Variants in CTIF observed in about 807,000 individuals in gnomAD.
CTIF encodes CBP80/20-dependent translation initiation factor.
CTIF carries 21 observed loss-of-function variants against 66.0 expected under a neutral mutation model. The observed-to-expected ratio is 0.32, with a 90% confidence interval of 0.23 to 0.46. CTIF has a LOEUF of 0.46. Ranked by LOEUF, CTIF falls within the 20% of genes least tolerant of loss-of-function variation. The pLI, the probability that CTIF is intolerant of heterozygous loss-of-function variation, is 1.00. For synonymous variants in CTIF, 345 were observed against 326.4 expected, an observed-to-expected ratio of 1.06 and a Z score of -0.62; for missense variants, 739 against 812.7, an observed-to-expected ratio of 0.91 and a Z score of 1.10.
intron 10 of CTIF, among the ~76,000 whole-genome samples, chr18:48,833,706 C>T (rs948667542): frequency 1.8e-4 from 27 of 152,124 alleles, no homozygotes; most frequent in Admixed American, 1.3e-3. Context: ...AGGTCACTGG[C>T]GCCACCAAAC....
At chr18:48,645,647 C>T (rs2091016751) in intron 3 of CTIF, among the ~76,000 whole-genome samples, 1 of 152,256 alleles carries the variant, frequency 6.6e-6, no homozygotes, top group South Asian at 2.1e-4. Flanking sequence ...ACCTGACTTG[C>T]ACCCCCACTG....
intron 1 of CTIF, among the ~76,000 whole-genome samples, chr18:48,556,798 C>T (rs534215927): frequency 1.3e-4 from 20 of 152,068 alleles, no homozygotes; most frequent in Non-Finnish European, 2.5e-4. Context: ...ATCTTGACCT[C>T]AGGTGATCCA....
chr18:48,742,304 A>T (rs2092561617), intron 7 of CTIF, among the ~76,000 whole-genome samples: 2 of 152,192 alleles, frequency 1.3e-5, no homozygotes, highest in South Asian at 4.1e-4. Context: ...GGGAAAAGAA[A>T]GGAGCAGGGC....
intron 1 of CTIF, among the ~76,000 whole-genome samples, chr18:48,562,713 C>G (rs1166876106): frequency 6.6e-6 from 1 of 152,144 alleles, no homozygotes; most frequent in Non-Finnish European, 1.5e-5. Flanking sequence ...ACTGAGGACT[C>G]CAGACAAATA....
intron 6 of CTIF, among the ~76,000 whole-genome samples, chr18:48,706,055 G>T (rs1055689262): frequency 2.6e-5 from 4 of 152,166 alleles, no homozygotes; most frequent in African/African-American, 9.7e-5. Flanking sequence ...AGAGACAAGG[G>T]TGGATGGATG....
chr18:48,780,088 G>C (rs184670198), intron 9 of CTIF, among the ~76,000 whole-genome samples: 1 of 152,304 alleles, frequency 6.6e-6, no homozygotes, highest in Admixed American at 6.5e-5. Flanking sequence ...GCTGGAGGAA[G>C]GGTGATGGCA....
intron 3 of CTIF, among the ~76,000 whole-genome samples, chr18:48,653,885 C>G (rs2144794893): frequency 6.6e-6 from 1 of 152,294 alleles, no homozygotes; most frequent in South Asian, 2.1e-4. Flanking sequence ...AAAGGATTCC[C>G]TATTTAATAA....
At chr18:48,705,774 C>T (rs2092144613) in intron 6 of CTIF, among the ~76,000 whole-genome samples, 2 of 152,270 alleles carry the variant, frequency 1.3e-5, no homozygotes, top group Admixed American at 6.5e-5. Context: ...CTCTTCTCCT[C>T]TCTTGTGCCT....
At chr18:48,772,523 T>TAACTCCCCTACATCAATAACTCCCCTACA (rs58407736) in intron 9 of CTIF, among the ~76,000 whole-genome samples, 2 of 151,714 alleles carry the variant, frequency 1.3e-5, no homozygotes, top group Non-Finnish European at 2.9e-5. Flanking sequence ...CCTACAGCAA[T>TAACTCCCCTACATCAATAACTCCCCTACA]GCCTCCCCTC....
At chr18:48,784,804 G>A (rs1443546437) in intron 9 of CTIF, among the ~76,000 whole-genome samples, 2 of 152,124 alleles carry the variant, frequency 1.3e-5, no homozygotes, top group African/African-American at 2.4e-5. Flanking sequence ...ACATGCATCA[G>A]CACCACAAGC....
rs993795185 is a variant in CTIF at position 48,592,484 on chromosome 18, T to C, written c.-28-27054T>C. Among the ~76,000 whole-genome samples, 6 of 134,058 alleles carry C rather than the reference T, an allele frequency of 4.5e-5. 1 individual carries two copies. The Admixed American group carries it at 4.6e-4, about 10-fold the overall frequency. 87.9% of individuals were successfully genotyped at this position (134,058 alleles called of 152,430 possible). On this transcript the variant is annotated intron_variant, in intron 1 of 11. Coordinates refer to ENST00000256413, the MANE Select transcript of CTIF (RefSeq NM_014772.3). The stretch of plus-strand genomic sequence containing the variant: ...TGAACTCCAGCTTGGGGAACAAGAG[T>C]GAAACCCTGTCTCAAAAAAAAAAAA...
intron 10 of CTIF, among the ~76,000 whole-genome samples, chr18:48,852,249 A>C (rs2069221380): frequency 1.4e-5 from 2 of 148,002 alleles, no homozygotes. Flanking sequence ...AAAAAAAAAA[A>C]AAAAAAAAAA....
At chr18:48,613,923 A>C (rs1452211472) in intron 1 of CTIF, among the ~76,000 whole-genome samples, 1 of 152,206 alleles carries the variant, frequency 6.6e-6, no homozygotes, top group East Asian at 1.9e-4. Context: ...AGCAAAGTGC[A>C]ACCTCAGCAT....
At chr18:48,706,317 T>C (rs1428799230) in intron 6 of CTIF, among the ~76,000 whole-genome samples, 1 of 152,112 alleles carries the variant, frequency 6.6e-6, no homozygotes, top group Non-Finnish European at 1.5e-5. Flanking sequence ...ATTTATGAGA[T>C]TGCAGGTGCA....
chr18:48,552,014 G>A (rs149511022), intron 1 of CTIF, among the ~76,000 whole-genome samples: 1,592 of 152,244 alleles, frequency 0.01, 15 homozygotes, highest in Non-Finnish European at 0.014. Context: ...GTGTCAGCCA[G>A]GATGGTCTCT....
intron 1 of CTIF, chr18:48,540,362 G>A (rs1038907288): frequency 1.3e-5 from 2 of 151,688 alleles, no homozygotes; most frequent in African/African-American, 4.8e-5. Context: ...CGCCGGTCAT[G>A]GGGGAGGGCG....
intron 9 of CTIF, among the ~76,000 whole-genome samples, chr18:48,784,183 C>T (rs757746189): frequency 3.3e-5 from 5 of 152,218 alleles, no homozygotes; most frequent in Non-Finnish European, 7.3e-5. Context: ...GTGCTGTCAT[C>T]GCGGCACACC....
intron 3 of CTIF, among the ~76,000 whole-genome samples, chr18:48,649,096 G>A (rs146121442): frequency 1.3e-5 from 2 of 152,272 alleles, no homozygotes; most frequent in East Asian, 3.9e-4. Flanking sequence ...CATCTCACTG[G>A]GACTGGTTGG....
At chr18:48,819,049 A>G (rs1184283715) in intron 10 of CTIF, among the ~76,000 whole-genome samples, 1 of 152,222 alleles carries the variant, frequency 6.6e-6, no homozygotes, top group Non-Finnish European at 1.5e-5. Flanking sequence ...TTATAGAACA[A>G]TAGCATGCTC....
Sources: allele counts gnomAD v4.1 joint callset (sites outside exome capture counted in the v4.1 genomes callset), GRCh38; gene constraint gnomAD v4.1.1; transcripts MANE v1.5; gene names NCBI Gene and HGNC (gene_info 2026-07-23, HGNC 2026-07-21).